The following DYM variants were observed in gnomAD, a reference collection of about 807,000 sequenced individuals.
DYM encodes dyggve-Melchior-Clausen syndrome protein.
In DYM, 78 loss-of-function variants were observed where a neutral mutation model predicts 93.1. That is an observed-to-expected ratio of 0.84 (90% CI 0.70 to 1.01). DYM has a LOEUF of 1.01. DYM is among the 50% of genes least tolerant of loss of function. DYM has a pLI of 0.00. For missense variants in DYM, 789 were observed against 845.0 expected (o/e 0.93, Z 0.82); for synonymous variants, 321 against 319.7 (o/e 1.00, Z -0.04).
intron 2 of DYM, among the ~76,000 whole-genome samples, chr18:49,407,654 G>T (rs935415166): frequency 6.6e-6 from 1 of 152,178 alleles, no homozygotes; most frequent in African/African-American, 2.4e-5. Context: ...ATTCATGAGG[G>T]ATCTGCCACC....
intron 17 of DYM, among the ~76,000 whole-genome samples, chr18:49,071,143 C>G (rs535215128): frequency 1.3e-5 from 2 of 152,196 alleles, no homozygotes; most frequent in African/African-American, 2.4e-5. Context: ...ATTTTTCATG[C>G]CTGTATCAAC....
rs1199993392 is a variant in DYM, at chr18:49,039,431, T to A, written c.*4624A>T. ...GGAGTTTGTGGGAGGGATTCTTGAATTTTTGGTGTGATATCTTTCATGAGT... is the reference window on the plus strand; with the variant it reads ...GGAGTTTGTGGGAGGGATTCTTGAAATTTTGGTGTGATATCTTTCATGAGT... On this transcript the variant is annotated 3_prime_UTR_variant, in exon 18 of 18. Coordinates refer to ENST00000675505, the MANE Select transcript of DYM (RefSeq NM_001353214.3). Among the ~76,000 whole-genome samples, 1 of 152,196 alleles carries A rather than the reference T, an allele frequency of 6.6e-6. No homozygotes were observed. The highest frequency in any genetic ancestry group is 2.4e-5 in the African/African-American group (1 of 41,450).
intron 15 of DYM, among the ~76,000 whole-genome samples, chr18:49,152,957 G>T (rs2085984355): frequency 6.6e-6 from 1 of 152,196 alleles, no homozygotes; most frequent in Non-Finnish European, 1.5e-5. Context: ...GGTTGCCAGG[G>T]GGTGGGGGAA....
intron 2 of DYM, among the ~76,000 whole-genome samples, chr18:49,398,664 G>A (rs1370550011): frequency 1.3e-5 from 2 of 152,146 alleles, no homozygotes; most frequent in Admixed American, 1.3e-4. Flanking sequence ...GCCTGAGTGT[G>A]TTCCTGATCT....
At chr18:49,295,601 G>C (rs1036650531) in intron 8 of DYM, among the ~76,000 whole-genome samples, 24 of 152,158 alleles carry the variant, frequency 1.6e-4, no homozygotes, top group African/African-American at 5.8e-4. Flanking sequence ...ACCTCAGAAA[G>C]CAAGCCTGCC....
At chr18:49,089,222 T>C (rs979492012) in intron 17 of DYM, among the ~76,000 whole-genome samples, 5 of 152,178 alleles carry the variant, frequency 3.3e-5, no homozygotes, top group African/African-American at 1.2e-4. Flanking sequence ...GCACCTGGTA[T>C]AGAGCAAGTG....
chr18:49,451,193 A>G (rs1038701015), intron 1 of DYM, among the ~76,000 whole-genome samples: 1 of 152,330 alleles, frequency 6.6e-6, no homozygotes, highest in Non-Finnish European at 1.5e-5. Flanking sequence ...CAAAACTTGA[A>G]GCATGATTGT....
At chr18:49,114,815 G>T (rs1017675734) in intron 16 of DYM, among the ~76,000 whole-genome samples, 4 of 152,028 alleles carry the variant, frequency 2.6e-5, no homozygotes, top group African/African-American at 4.8e-5. Context: ...TCAATTGCCT[G>T]GTTACTAAGA....
intron 14 of DYM, among the ~76,000 whole-genome samples, chr18:49,206,863 G>C (rs1404338337): frequency 6.6e-6 from 1 of 152,220 alleles, no homozygotes; most frequent in African/African-American, 2.4e-5. Flanking sequence ...ACCCAAGTGG[G>C]TAAGGAAGGA....
intron 5 of DYM, among the ~76,000 whole-genome samples, chr18:49,375,346 T>G (rs371691798): frequency 1.6e-4 from 24 of 151,952 alleles, no homozygotes; most frequent in Non-Finnish European, 3.4e-4. Flanking sequence ...TCACCCTTTA[T>G]AGGAAACTAT....
At chr18:49,245,391 G>A (rs948093227) in intron 13 of DYM, among the ~76,000 whole-genome samples, 3 of 152,196 alleles carry the variant, frequency 2.0e-5, no homozygotes, top group African/African-American at 7.2e-5. Context: ...CAGAAAGCGA[G>A]TAGGAGAAAT....
intron 10 of DYM, among the ~76,000 whole-genome samples, chr18:49,280,061 C>T (rs550056681): frequency 1.3e-5 from 2 of 152,242 alleles, no homozygotes; most frequent in South Asian, 4.1e-4. Flanking sequence ...CTGGCTATTT[C>T]GGGAATGTTC....
intron 2 of DYM, among the ~76,000 whole-genome samples, chr18:49,429,458 T>G (rs1337616544): frequency 6.6e-6 from 1 of 152,230 alleles, no homozygotes; most frequent in African/African-American, 2.4e-5. Flanking sequence ...CAATATTCTA[T>G]TCATTCTTCA....
intron 5 of DYM, among the ~76,000 whole-genome samples, chr18:49,378,014 A>C (rs78448703): frequency 6.6e-6 from 1 of 152,164 alleles, no homozygotes; most frequent in African/African-American, 2.4e-5. Flanking sequence ...GAAAGGAAAG[A>C]TTGTGTGAAG....
chr18:49,217,851 G>A (rs138771627), intron 13 of DYM, among the ~76,000 whole-genome samples: 5 of 152,242 alleles, frequency 3.3e-5, no homozygotes, highest in African/African-American at 9.6e-5. Flanking sequence ...ATCAACTAAC[G>A]AGCAAGATAA....
chr18:49,328,799 A>T (rs1416292026), intron 8 of DYM, among the ~76,000 whole-genome samples: 2 of 152,160 alleles, frequency 1.3e-5, no homozygotes, highest in Admixed American at 6.5e-5. Context: ...GCTGGAGAGG[A>T]TGTGGAGAAA....
At chr18:49,215,635 T>G (rs373621830) in intron 13 of DYM, among the ~76,000 whole-genome samples, 1 of 152,190 alleles carries the variant, frequency 6.6e-6, no homozygotes, top group Non-Finnish European at 1.5e-5. Flanking sequence ...TTATACTCTA[T>G]TAATGCTGCT....
intron 3 of DYM, among the ~76,000 whole-genome samples, chr18:49,380,765 A>C (rs745905770): frequency 6.6e-6 from 1 of 152,234 alleles, no homozygotes; most frequent in Non-Finnish European, 1.5e-5. Context: ...CAGGCTCAGA[A>C]AGGCTAAGCG....
intron 14 of DYM, among the ~76,000 whole-genome samples, chr18:49,191,118 C>T (rs1447448736): frequency 3.3e-5 from 5 of 151,958 alleles, no homozygotes; most frequent in Non-Finnish European, 7.4e-5. Context: ...TGCCCCACAT[C>T]GTTCAAGGGT....
Sources: gnomAD v4.1 joint callset for allele counts (sites outside exome capture counted in the v4.1 genomes callset) on GRCh38, gnomAD v4.1.1 for gene constraint, MANE v1.5 for transcripts, NCBI Gene and HGNC (gene_info 2026-07-23, HGNC 2026-07-21) for gene names.